The following SYBU variants were observed in gnomAD, a reference collection of about 807,000 sequenced individuals.
SYBU encodes syntabulin, also known as GOLSYN A protein.
A neutral mutation model predicts 35.9 loss-of-function variants in SYBU; 21 were observed. That is an observed-to-expected ratio of 0.58 (90% confidence interval 0.41 to 0.84). The LOEUF (loss-of-function observed/expected upper bound fraction) is 0.84. Among genes scored for constraint, SYBU ranks in the 40% least tolerant of loss-of-function variants. The pLI is 0.00. For missense variants in SYBU, 768 were observed against 848.2 expected, an observed-to-expected ratio of 0.91 and a Z score of 1.17; for synonymous variants, 319 against 324.3, an observed-to-expected ratio of 0.98 and a Z score of 0.18.
chr8:109,652,656 A>C (rs1419472168), intron 1 of SYBU, among the ~76,000 whole-genome samples: 5 of 152,192 alleles, frequency 3.3e-5, no homozygotes, highest in African/African-American at 4.8e-5. Flanking sequence ...TTTTTTTGAC[A>C]GGTAAAGTCT....
intron 2 of SYBU, among the ~76,000 whole-genome samples, chr8:109,638,977 A>G (rs1433271611): frequency 6.6e-6 from 1 of 152,218 alleles, no homozygotes; most frequent in Non-Finnish European, 1.5e-5. Context: ...CAACATACAA[A>G]TTAGCATATA....
chr8:109,653,649 A>G (rs886950396), intron 1 of SYBU, among the ~76,000 whole-genome samples: 12 of 151,994 alleles, frequency 7.9e-5, no homozygotes, highest in Non-Finnish European at 1.2e-4. Context: ...GTTCTCTCCT[A>G]TTCTCCACAA....
At chr8:109,679,143 A>G (rs1396632399) in intron 1 of SYBU, among the ~76,000 whole-genome samples, 2 of 152,334 alleles carry the variant, frequency 1.3e-5, no homozygotes, top group African/African-American at 4.8e-5. Context: ...ATGTTAAAAG[A>G]CACTCCTACC....
chr8:109,601,708 G>A (rs1009564053), intron 3 of SYBU, among the ~76,000 whole-genome samples: 12 of 152,128 alleles, frequency 7.9e-5, no homozygotes, highest in African/African-American at 2.9e-4. Context: ...GACCTTGGGT[G>A]AAAGAGATCA....
chr8:109,625,674 G>A (rs1377134632), intron 2 of SYBU, among the ~76,000 whole-genome samples: 1 of 152,154 alleles, frequency 6.6e-6, no homozygotes, highest in Non-Finnish European at 1.5e-5. Context: ...CTCCCACCTT[G>A]GCTCCCAAAA....
At chr8:109,591,802 G>A (rs899495279) in intron 3 of SYBU, among the ~76,000 whole-genome samples, 2 of 151,804 alleles carry the variant, frequency 1.3e-5, no homozygotes, top group Non-Finnish European at 2.9e-5. Context: ...GTGAGCCACC[G>A]CGCCCGGCCA....
intron 3 of SYBU, among the ~76,000 whole-genome samples, chr8:109,597,400 G>A (rs970514780): frequency 1.3e-5 from 2 of 152,132 alleles, no homozygotes; most frequent in Non-Finnish European, 2.9e-5. Flanking sequence ...CACTGTTTTG[G>A]AGAAGGAGAA....
At chr8:109,663,693 T>G (rs1424765276) in intron 1 of SYBU, among the ~76,000 whole-genome samples, 2 of 152,156 alleles carry the variant, frequency 1.3e-5, no homozygotes, top group African/African-American at 4.8e-5. Flanking sequence ...TCTCTTTTTT[T>G]TCATTTTCTA....
chr8:109,583,519 T>C (rs2131250222), intron 4 of SYBU, among the ~76,000 whole-genome samples: 1 of 152,278 alleles, frequency 6.6e-6, no homozygotes, highest in South Asian at 2.1e-4. Context: ...TCAAAAATAT[T>C]CTCACCAGCT....
At chr8:109,634,174 A>G (rs1813952354) in intron 2 of SYBU, among the ~76,000 whole-genome samples, 1 of 152,178 alleles carries the variant, frequency 6.6e-6, no homozygotes, top group African/African-American at 2.4e-5. Context: ...TTTTACCCAC[A>G]GTGATCTCTC....
chr8:109,615,293 T>C (rs898774281), intron 3 of SYBU, among the ~76,000 whole-genome samples: 2 of 152,176 alleles, frequency 1.3e-5, no homozygotes, highest in Non-Finnish European at 2.9e-5. Context: ...AAGATCCATT[T>C]TGGCTGAGAG....
intron 3 of SYBU, among the ~76,000 whole-genome samples, chr8:109,597,165 G>A (rs915832410): frequency 2.0e-5 from 3 of 152,138 alleles, no homozygotes; most frequent in African/African-American, 7.2e-5. Context: ...ACTTGGCAAG[G>A]AGATGGGCCC....
At chr8:109,579,754 AAGT>A (rs1283380214) in intron 5 of SYBU, 42 bp downstream of exon 5, 1 of 1,552,902 alleles carries the variant, frequency 6.4e-7, no homozygotes, top group Admixed American at 1.7e-5. Context: ...AAAGCTTACC[AAGT>A]AGGACAAACT....
intron 3 of SYBU, among the ~76,000 whole-genome samples, chr8:109,596,542 G>A (rs1287759808): frequency 6.6e-6 from 1 of 152,132 alleles, no homozygotes; most frequent in Non-Finnish European, 1.5e-5. Context: ...TTTTTAAAAG[G>A]TAGAATTTGA....
intron 3 of SYBU, among the ~76,000 whole-genome samples, chr8:109,615,928 T>A (rs1364059587): frequency 6.6e-6 from 1 of 151,766 alleles, no homozygotes. Flanking sequence ...TAAGAAAAAC[T>A]GTTTTTGTTT....
At chr8:109,579,662 T>G in intron 5 of SYBU, 137 bp downstream of exon 5, 1 of 776,482 alleles carries the variant, frequency 1.3e-6, no homozygotes, top group Non-Finnish European at 2.1e-6. Context: ...ATGAGCCGAA[T>G]GTGGGAAAGA....
At chr8:109,658,207 G>A (rs765347083) in intron 1 of SYBU, among the ~76,000 whole-genome samples, 1 of 152,142 alleles carries the variant, frequency 6.6e-6, no homozygotes, top group Non-Finnish European at 1.5e-5. Context: ...TGTTCAGGTG[G>A]CTCTGGATTC....
At chr8:109,620,239 T>C (rs191294230) in intron 2 of SYBU, among the ~76,000 whole-genome samples, 1 of 152,344 alleles carries the variant, frequency 6.6e-6, no homozygotes, top group East Asian at 1.9e-4. Flanking sequence ...ATCTTTATTA[T>C]ATGAAGATGT....
upstream of SYBU, chr8:109,645,157 G>A (rs773744546): frequency 1.1e-5 from 5 of 458,108 alleles, no homozygotes; most frequent in African/African-American, 2.0e-5. Flanking sequence ...ACTGAGAAAA[G>A]CTGCGACATC....
Sources: gnomAD v4.1 joint callset for allele counts (sites outside exome capture counted in the v4.1 genomes callset) on GRCh38, gnomAD v4.1.1 for gene constraint, MANE v1.5 for transcripts, NCBI Gene and HGNC (gene_info 2026-07-23, HGNC 2026-07-21) for gene names.